The following PGBD5 variants were observed in gnomAD, a reference collection of about 807,000 sequenced individuals.
PGBD5 encodes piggyBac transposable element-derived protein 5.
PGBD5 carries 14 observed loss-of-function variants against 47.9 expected under a neutral mutation model. The ratio of observed to expected loss-of-function variants is 0.29; its 90% CI spans 0.19 to 0.46. The LOEUF is 0.46. Ranked by LOEUF, PGBD5 falls within the 20% of genes least tolerant of loss-of-function variation. The pLI is 1.00. For missense variants in PGBD5, 635 were observed against 716.0 expected, an observed-to-expected ratio of 0.89 and a Z score of 1.29; for synonymous variants, 316 against 306.3, an observed-to-expected ratio of 1.03 and a Z score of -0.33.
intron 1 of PGBD5, among the ~76,000 whole-genome samples, chr1:230,384,644 C>T (rs75127771): frequency 0.061 from 9,219 of 152,180 alleles, 646 homozygotes; most frequent in African/African-American, 0.18. Flanking sequence ...TAGAAGGAAC[C>T]CATTCAAGGC....
chr1:230,339,674 T>C lies in PGBD5; in HGVS notation c.895-2386A>G, dbSNP rs189628184. On this transcript the variant is annotated intron_variant, in intron 3 of 6. Coordinates refer to ENST00000391860, the MANE Select transcript of PGBD5 (RefSeq NM_001258311.2). Reference sequence around the variant, plus strand: ...ACACAAGATGAAATACTATTCAGCCTTTAAAAAGGAGGAAGTCTTGCCATC... The same window carrying C: ...ACACAAGATGAAATACTATTCAGCCCTTAAAAAGGAGGAAGTCTTGCCATC... Among the ~76,000 whole-genome samples, 33 of 152,298 alleles carry C rather than the reference T, an allele frequency of 2.2e-4. No homozygotes were observed. In the East Asian group the frequency reaches 6.4e-3, roughly 29 times the overall value.
chr1:230,331,641 C>T (rs1371408864), intron 5 of PGBD5, among the ~76,000 whole-genome samples: 2 of 151,838 alleles, frequency 1.3e-5, no homozygotes, highest in East Asian at 1.9e-4. Context: ...CTTTCTTCTT[C>T]GTTCTTCCTC....
Position 230,322,144 on chromosome 1 carries a change from G to T in PGBD5, c.*1281C>A, listed in dbSNP as rs540013576. ...CAGATCTGCCCACCACTCTGGCACC[G>T]AGGCTTCCCTGGAGACGCATAAACC... On this transcript the variant is annotated 3_prime_UTR_variant, in exon 7 of 7. Transcript: ENST00000391860. The surrounding 1 kb of genome is among the most constrained non-coding windows in gnomAD (Gnocchi z 5.9). 6.6e-6 allele frequency: 1 copy of T among 152,238 alleles called. No individual in the cohort carries two copies. 9.4% of individuals were successfully genotyped at this position (152,238 alleles called of 1,614,324 possible).
chr1:230,331,411 GT>G (rs1667212985), intron 5 of PGBD5, among the ~76,000 whole-genome samples: 1 of 152,020 alleles, frequency 6.6e-6, no homozygotes, highest in African/African-American at 2.4e-5. Context: ...GCAACACCCT[GT>G]CCCAAAAATA....
At chr1:230,368,063 CTTTT>C (rs1247509480) in intron 1 of PGBD5, 1 of 1,367,908 alleles carries the variant, frequency 7.3e-7, no homozygotes, top group East Asian at 4.5e-5. Flanking sequence ...AAGGCTGGGT[CTTTT>C]TAGCTCTGTG....
rs1169276745 is a variant in PGBD5, at chr1:230,317,413, A to G, written c.*6012T>C. The stretch of plus-strand genomic sequence containing the variant: ...GTTGTCAGCTCCCAGGGCAATGCTG[A>G]GGACTCAGCAAAGGAACCATACAGG... On this transcript the variant is annotated 3_prime_UTR_variant, in exon 7 of 7. Coordinates refer to ENST00000391860, the MANE Select transcript of PGBD5 (RefSeq NM_001258311.2). 6.6e-6 allele frequency: 1 copy of G among 152,262 alleles called. No homozygotes were observed. The highest frequency in any genetic ancestry group is 2.4e-5 in the African/African-American group (1 of 41,466). 9.4% of individuals were successfully genotyped at this position (152,262 alleles called of 1,614,324 possible).
At chr1:230,369,182 C>T (rs1261148577) in intron 1 of PGBD5, among the ~76,000 whole-genome samples, 1 of 152,198 alleles carries the variant, frequency 6.6e-6, no homozygotes, top group Non-Finnish European at 1.5e-5. Context: ...ACAAGGTGAA[C>T]CCAGAACGTG....
At chr1:230,418,451 G>A (rs1389946603) in intron 1 of PGBD5, among the ~76,000 whole-genome samples, 1 of 152,160 alleles carries the variant, frequency 6.6e-6, no homozygotes. Context: ...GGGACAGGGA[G>A]GTACTGATGG....
intron 1 of PGBD5, among the ~76,000 whole-genome samples, chr1:230,400,822 C>T (rs1056561623): frequency 1.3e-5 from 2 of 152,216 alleles, no homozygotes; most frequent in Non-Finnish European, 2.9e-5. Context: ...TGCACTCTAG[C>T]CTGAGCAACA....
At chr1:230,367,395 C>T (rs977795612) in intron 1 of PGBD5, among the ~76,000 whole-genome samples, 1 of 152,184 alleles carries the variant, frequency 6.6e-6, no homozygotes, top group African/African-American at 2.4e-5. Flanking sequence ...ATGTAGGGAG[C>T]AATCTGAGTG....
At chr1:230,324,946 AAGG>A (rs1197985599) in intron 6 of PGBD5, among the ~76,000 whole-genome samples, 2 of 152,160 alleles carry the variant, frequency 1.3e-5, no homozygotes, top group Non-Finnish European at 2.9e-5. Context: ...GGGTGTGGGG[AAGG>A]AGGACAGCAA....
chr1:230,383,220 C>T (rs1348138932), intron 1 of PGBD5, among the ~76,000 whole-genome samples: 1 of 151,976 alleles, frequency 6.6e-6, no homozygotes, highest in Non-Finnish European at 1.5e-5. Context: ...TAAGCATGCA[C>T]CACCATGCCC....
At chr1:230,373,340 G>A (rs1421360976) in intron 1 of PGBD5, among the ~76,000 whole-genome samples, 4 of 152,192 alleles carry the variant, frequency 2.6e-5, no homozygotes, top group African/African-American at 9.7e-5. Context: ...TTTGGGTCTT[G>A]TGTCGGCCCC....
chr1:230,358,172 C>A (rs184637106), intron 1 of PGBD5, among the ~76,000 whole-genome samples: 4 of 152,258 alleles, frequency 2.6e-5, no homozygotes, highest in Non-Finnish European at 5.9e-5. Flanking sequence ...CGCCATCACA[C>A]AGGGCTCCTC....
intron 1 of PGBD5, among the ~76,000 whole-genome samples, chr1:230,396,002 C>A (rs1656945618): frequency 7.5e-6 from 1 of 133,600 alleles, no homozygotes; most frequent in Non-Finnish European, 1.6e-5. Context: ...TTCCCTCTTT[C>A]TTCCCTTTGC....
intron 3 of PGBD5, among the ~76,000 whole-genome samples, chr1:230,339,867 G>A (rs1667384307): frequency 6.6e-6 from 1 of 152,064 alleles, no homozygotes. Flanking sequence ...GGGAGGTATT[G>A]GTCAAAGAAT....
intron 3 of PGBD5, among the ~76,000 whole-genome samples, chr1:230,350,188 GAGA>G (rs1667539822): frequency 6.6e-6 from 1 of 152,250 alleles, no homozygotes; most frequent in Non-Finnish European, 1.5e-5. Context: ...TGTCTGATGA[GAGA>G]AGGTGTCGCT....
rs892362252 is a variant in PGBD5, at chr1:230,425,328, G to A, written c.331+270C>T. ...ACAGACTTCCCATGCAGGGGCTGGG[G>A]TGCTCCCAGGAAGTGAAGGAAAAGG... On this transcript the variant is annotated intron_variant, in intron 1 of 6. Transcript: ENST00000391860. This position sits in a 1 kb window ranked among gnomAD's most constrained non-coding sequence, Gnocchi z 4.7. 2.6e-5 allele frequency among the ~76,000 whole-genome samples: 4 copies of A among 152,134 alleles called. No homozygotes were observed. The highest frequency in any genetic ancestry group is 7.2e-5 in the African/African-American group (3 of 41,418).
At chr1:230,335,718 C>CACACAG in intron 4 of PGBD5, among the ~76,000 whole-genome samples, 1 of 148,378 alleles carries the variant, frequency 6.7e-6, no homozygotes, top group African/African-American at 2.5e-5. Context: ...CACAGGTACA[C>CACACAG]ATACAGACAC....
Sources: allele counts gnomAD v4.1 joint callset (sites outside exome capture counted in the v4.1 genomes callset), GRCh38; gene constraint gnomAD v4.1.1; non-coding constraint Gnocchi (gnomAD v3.1); transcripts MANE v1.5; gene names NCBI Gene and HGNC (gene_info 2026-07-23, HGNC 2026-07-21).